MBP: variants seen among roughly 807,000 people sequenced by gnomAD.
The protein encoded by MBP is myelin basic protein.
A neutral mutation model predicts 35.8 loss-of-function variants in MBP; 16 were observed. The ratio of observed to expected loss-of-function variants is 0.45; its 90% CI spans 0.30 to 0.68. The LOEUF (loss-of-function observed/expected upper bound fraction) is 0.68, where lower values mean the gene tolerates loss of function less well. MBP is among the 30% of genes least tolerant of loss of function. MBP has a pLI of 0.08. For synonymous variants in MBP, 143 were observed against 159.6 expected, an observed-to-expected ratio of 0.90 and a Z score of 0.78; for missense variants, 380 against 404.7, an observed-to-expected ratio of 0.94 and a Z score of 0.52.
At chr18:76,987,696 C>T (rs1348666155) in intron 7 of MBP, 1 of 992,116 alleles carries the variant, frequency 1.0e-6, no homozygotes, top group Non-Finnish European at 1.2e-6. Context: ...AACCTATCTA[C>T]AATACGTTGG....
chr18:77,053,011 T>C (rs1050510438), intron 3 of MBP, among the ~76,000 whole-genome samples: 4 of 152,114 alleles, frequency 2.6e-5, no homozygotes, highest in Non-Finnish European at 5.9e-5. Context: ...CCCTGGATCA[T>C]TTGAAAAAGG....
chr18:77,105,324 T>G, intron 1 of MBP, 38 bp from the exon 2 acceptor site: 2 of 1,306,196 alleles, frequency 1.5e-6, no homozygotes, highest in Non-Finnish European at 2.2e-6. Context: ...CTAAGTCTAG[T>G]GCTCTTAGAG....
chr18:76,985,246 A>G (rs1969479014), intron 7 of MBP: 2 of 1,358,196 alleles, frequency 1.5e-6, no homozygotes, highest in African/African-American at 1.5e-5. Context: ...GCAAACATCA[A>G]GCAAATCAAG....
chr18:77,024,688 C>T (rs1477575291), intron 3 of MBP, among the ~76,000 whole-genome samples: 1 of 152,192 alleles, frequency 6.6e-6, no homozygotes, highest in Non-Finnish European at 1.5e-5. Context: ...GGCCTGCAGT[C>T]GCCAGGGTGG....
At chr18:77,055,768 A>C (rs1397752129) in intron 3 of MBP, among the ~76,000 whole-genome samples, 1 of 152,154 alleles carries the variant, frequency 6.6e-6, no homozygotes, top group Admixed American at 6.5e-5. Context: ...ACAGACAGTG[A>C]GGTCATGACA....
At chr18:76,987,097 G>C in intron 7 of MBP, 1 of 985,426 alleles carries the variant, frequency 1.0e-6, no homozygotes, top group Non-Finnish European at 1.2e-6. Flanking sequence ...GGAATGCAAG[G>C]GTCTTTCTTG....
At chr18:77,070,762 T>C (rs1974408098) in intron 2 of MBP, among the ~76,000 whole-genome samples, 1 of 152,156 alleles carries the variant, frequency 6.6e-6, no homozygotes, top group Non-Finnish European at 1.5e-5. Context: ...CTCCCGCCAC[T>C]GAATTGTGGA....
intron 7 of MBP, chr18:76,986,152 G>A: frequency 5.1e-6 from 5 of 985,588 alleles, no homozygotes; most frequent in Non-Finnish European, 4.8e-6. Flanking sequence ...CACGCTGTTA[G>A]CTTTTCAGGG....
chr18:77,059,385 CATTA>C (rs1251403924), intron 3 of MBP, among the ~76,000 whole-genome samples: 4 of 151,874 alleles, frequency 2.6e-5, no homozygotes, highest in Non-Finnish European at 2.9e-5. Context: ...CAATTAATCC[CATTA>C]ATTAATTTTA....
At chr18:77,046,361 T>C (rs1327444575) in intron 3 of MBP, among the ~76,000 whole-genome samples, 1 of 152,214 alleles carries the variant, frequency 6.6e-6, no homozygotes, top group Non-Finnish European at 1.5e-5. Context: ...TTCTTCCCAC[T>C]TTAAGTAGCT....
At chr18:77,001,563 G>A (rs188763325) in intron 4 of MBP, among the ~76,000 whole-genome samples, 14 of 152,272 alleles carry the variant, frequency 9.2e-5, no homozygotes, top group Admixed American at 3.3e-4. Context: ...GAAAATGCCC[G>A]TAAGAGGCCA....
intron 4 of MBP, among the ~76,000 whole-genome samples, chr18:77,002,561 G>C (rs3794845): frequency 0.12 from 17,288 of 141,262 alleles, 1,105 homozygotes; most frequent in African/African-American, 0.18. Context: ...AAGGCGTCTT[G>C]GTTTTAAAAC....
At position 76,989,319 on chromosome 18, in the gene MBP, G is replaced by A. The variant is rs983683209; in HGVS notation, c.682-407C>T. On this transcript the variant is annotated intron_variant, in intron 5 of 8. Coordinates refer to ENST00000355994, the MANE Select transcript of MBP (RefSeq NM_001025101.2). The surrounding 1 kb of genome is among the most constrained non-coding windows in gnomAD (Gnocchi z 4.0). ...TCTGCAGCTCCTAAGTGCACTTATC[G>A]AATACGAGCATAAAATGTCTGCTGC... Among the ~76,000 whole-genome samples, 1 of 152,186 alleles carries A rather than the reference G, an allele frequency of 6.6e-6. No homozygotes were observed. The highest frequency in any genetic ancestry group is 2.4e-5 in the African/African-American group (1 of 41,444).
intron 7 of MBP, chr18:76,987,037 A>G (rs986090190): frequency 4.1e-6 from 4 of 985,458 alleles, no homozygotes; most frequent in Non-Finnish European, 4.8e-6. Flanking sequence ...TTTGGAAAAA[A>G]GAGAAATTCA....
At chr18:77,068,343 GAGC>G (rs1367877010) in intron 2 of MBP, among the ~76,000 whole-genome samples, 3 of 152,134 alleles carry the variant, frequency 2.0e-5, no homozygotes, top group African/African-American at 7.2e-5. Flanking sequence ...TTGACCTTCT[GAGC>G]AATCAGGAGA....
chr18:77,105,355 T>A (rs1976233540), intron 1 of MBP, 69 bp from the exon 2 acceptor site: 1 of 994,218 alleles, frequency 1.0e-6, no homozygotes, highest in Non-Finnish European at 1.6e-6. Flanking sequence ...TGTTTTTCCA[T>A]CAGAAAGACA....
At chr18:77,037,121 A>G (rs374046920) in intron 3 of MBP, among the ~76,000 whole-genome samples, 8 of 136,640 alleles carry the variant, frequency 5.9e-5, no homozygotes, top group Admixed American at 1.5e-4. Flanking sequence ...TGCTGGTCAC[A>G]TTTTGGAGAC....
chr18:76,997,052 C>A (rs1293059998), intron 4 of MBP, among the ~76,000 whole-genome samples: 8 of 152,176 alleles, frequency 5.3e-5, no homozygotes, highest in African/African-American at 1.7e-4. Flanking sequence ...AGAGCGTCCT[C>A]CCCCTCCAAA....
chr18:77,062,356 C>A (rs1478538144), intron 3 of MBP, among the ~76,000 whole-genome samples: 3 of 152,108 alleles, frequency 2.0e-5, no homozygotes, highest in Non-Finnish European at 4.4e-5. Context: ...GTGTGTGGGT[C>A]AGAAAACGCT....
Sources: allele counts gnomAD v4.1 joint callset (sites outside exome capture counted in the v4.1 genomes callset), GRCh38; gene constraint gnomAD v4.1.1; non-coding constraint Gnocchi (gnomAD v3.1); transcripts MANE v1.5; gene names NCBI Gene and HGNC (gene_info 2026-07-23, HGNC 2026-07-21).